Variants in SDC2 observed in about 807,000 individuals in gnomAD.
SDC2 encodes syndecan 2.
SDC2 carries 13 observed loss-of-function variants against 22.2 expected under a neutral mutation model. The observed-to-expected ratio is 0.59, with a 90% CI of 0.38 to 0.93. The LOEUF (loss-of-function observed/expected upper bound fraction) is 0.93, where lower values mean the gene tolerates loss of function less well. Ranked by LOEUF, SDC2 falls within the 40% of genes least tolerant of loss-of-function variation. SDC2 has a pLI of 0.00. For synonymous variants in SDC2, 94 were observed against 92.8 expected, an observed-to-expected ratio of 1.01 and a Z score of -0.07; for missense variants, 235 against 246.8, an observed-to-expected ratio of 0.95 and a Z score of 0.32.
In SDC2 at chr8:96,609,764, G is replaced by A; in HGVS notation, c.*216G>A. 2.7e-6 allele frequency: 1 copy of A among 370,996 alleles called. No individual in the cohort carries two copies. Among genetic ancestry groups the A allele is most frequent in the Non-Finnish European group, 4.8e-6 (1 of 209,682 alleles). 23.0% of individuals were successfully genotyped at this position (370,996 alleles called of 1,614,324 possible). A position where few individuals can be genotyped will look rare whatever the true frequency, so the allele number is the denominator to read the frequency against. ...CTGCAGTGTTCTGTGAATAGCAGTG[G>A]CAAAATATTATGTTATGAAAACCCT... is the stretch of plus-strand genomic sequence containing the variant. On this transcript the variant is annotated 3_prime_UTR_variant, in exon 5 of 5. Transcript: ENST00000302190.
At chr8:96,541,586 G>A (rs1191761987) in intron 1 of SDC2, among the ~76,000 whole-genome samples, 2 of 150,930 alleles carry the variant, frequency 1.3e-5, no homozygotes, top group East Asian at 3.9e-4. Flanking sequence ...AAAGAAGCCA[G>A]CCAGAAACAG....
intron 1 of SDC2, among the ~76,000 whole-genome samples, chr8:96,545,590 C>T (rs10093084): frequency 0.21 from 32,366 of 152,076 alleles, 3,691 homozygotes; most frequent in East Asian, 0.32. Context: ...AGAAGGAGGG[C>T]AAGGAGGATG....
At position 96,578,729 on chromosome 8, in the gene SDC2, C is replaced by T. The variant is rs148433588; in HGVS notation, c.61-14751C>T. 1.4e-4 allele frequency among the ~76,000 whole-genome samples: 22 copies of T among 152,252 alleles called. No individual in the cohort carries two copies. The East Asian group carries it at 4.2e-3, about 29-fold the overall frequency. ...CGGCATGGCTTGACAATGGTTTAGG[C>T]CCTTGATCAGCTAGTGTTAAGGAGT... On this transcript the variant is annotated intron_variant, in intron 1 of 4. Coordinates refer to ENST00000302190, the MANE Select transcript of SDC2 (RefSeq NM_002998.4).
intron 1 of SDC2, among the ~76,000 whole-genome samples, chr8:96,545,713 C>T (rs1452359589): frequency 6.6e-6 from 1 of 152,186 alleles, no homozygotes; most frequent in Non-Finnish European, 1.5e-5. Context: ...CCACCCCGAC[C>T]CTGAAATTGC....
chr8:96,550,481 A>G (rs1333258504), intron 1 of SDC2, among the ~76,000 whole-genome samples: 2 of 152,236 alleles, frequency 1.3e-5, no homozygotes, highest in Admixed American at 6.5e-5. Flanking sequence ...AGTCACTTTC[A>G]GAGGTAGACA....
intron 1 of SDC2, among the ~76,000 whole-genome samples, chr8:96,539,176 G>A (rs1220359651): frequency 6.6e-6 from 1 of 152,298 alleles, no homozygotes; most frequent in East Asian, 1.9e-4. Context: ...AACGAGTACT[G>A]AGCATAGAAT....
intron 1 of SDC2, among the ~76,000 whole-genome samples, chr8:96,498,705 G>A (rs1813113484): frequency 6.6e-6 from 1 of 152,128 alleles, no homozygotes; most frequent in Non-Finnish European, 1.5e-5. Flanking sequence ...TGGCCAGGCT[G>A]GTCTCCAACT....
intron 1 of SDC2, among the ~76,000 whole-genome samples, chr8:96,545,159 C>G (rs1813911655): frequency 6.6e-6 from 1 of 152,196 alleles, no homozygotes. Context: ...ATTTTTAACT[C>G]TTCTCTGCCT....
Position 96,602,543 on chromosome 8 carries a change from C to CCATTG in SDC2, c.306+25_306+29dup. The CCATTG allele has an allele frequency of 1.9e-6, 3 of 1,613,610 alleles. No homozygotes were observed. The highest frequency in any genetic ancestry group is 2.5e-6 in the Non-Finnish European group (3 of 1,179,666). On this transcript the variant is annotated intron_variant, in intron 3 of 4. Transcript: ENST00000302190. ...CTCAGACAAAGGTGCGTTCTATTTTCCATTGCATTGCATTATCAGGTTATT... is the reference window on the plus strand; with the variant it reads ...CTCAGACAAAGGTGCGTTCTATTTTCCATTGCATTGCATTGCATTATCAGGTTATT...
Position 96,611,127 on chromosome 8 carries a change from G to C in SDC2, c.*1579G>C, listed in dbSNP as rs557244005. On this transcript the variant is annotated 3_prime_UTR_variant, in exon 5 of 5. Transcript: ENST00000302190. Reference sequence around the variant, plus strand: ...AGTAGCTCACGTTACAGGGAAGGAGGGTAGGCAGGGAGGCTCTGTGTGTTA... The same window carrying C: ...AGTAGCTCACGTTACAGGGAAGGAGCGTAGGCAGGGAGGCTCTGTGTGTTA... 1 of 152,716 alleles carries C rather than the reference G, an allele frequency of 6.5e-6. No individual in the cohort carries two copies. Among genetic ancestry groups the C allele is most frequent in the South Asian group, 2.1e-4 (1 of 4,830 alleles). The allele number at this position is 152,716 out of a possible 1,614,324, so 9.5% of individuals were successfully genotyped here. A position where few individuals can be genotyped will look rare whatever the true frequency, so the allele number is the denominator to read the frequency against.
intron 1 of SDC2, among the ~76,000 whole-genome samples, chr8:96,542,782 TAG>T (rs1466090628): frequency 6.6e-6 from 1 of 152,228 alleles, no homozygotes; most frequent in Non-Finnish European, 1.5e-5. Context: ...TCTTAGTGAA[TAG>T]AGTTTGCCTT....
intron 1 of SDC2, among the ~76,000 whole-genome samples, chr8:96,545,253 T>C (rs1430081775): frequency 2.0e-5 from 3 of 152,242 alleles, no homozygotes; most frequent in African/African-American, 7.2e-5. Flanking sequence ...TCAGGTTCTC[T>C]TTGTTTTATG....
At chr8:96,519,229 C>T (rs1813456476) in intron 1 of SDC2, among the ~76,000 whole-genome samples, 1 of 152,080 alleles carries the variant, frequency 6.6e-6, no homozygotes, top group Admixed American at 6.5e-5. Context: ...CCTGTAATTC[C>T]CCAGAGAGCA....
chr8:96,509,880 C>A (rs561217465), intron 1 of SDC2, among the ~76,000 whole-genome samples: 3 of 152,328 alleles, frequency 2.0e-5, no homozygotes, highest in South Asian at 2.1e-4. Context: ...TTGCTCCCTT[C>A]CAGCTTTTTC....
chr8:96,601,369 C>T (rs1353333443), intron 2 of SDC2, among the ~76,000 whole-genome samples: 4 of 152,048 alleles, frequency 2.6e-5, no homozygotes, highest in African/African-American at 4.8e-5. Context: ...GGGCCAGGCA[C>T]GGTGGCTCAC....
intron 1 of SDC2, among the ~76,000 whole-genome samples, chr8:96,544,090 C>T (rs1337927980): frequency 6.6e-6 from 1 of 152,158 alleles, no homozygotes; most frequent in East Asian, 1.9e-4. Flanking sequence ...AGATGTCTTG[C>T]CCAGTAAGTA....
intron 1 of SDC2, among the ~76,000 whole-genome samples, chr8:96,556,425 G>A (rs1439823701): frequency 6.6e-6 from 1 of 150,888 alleles, no homozygotes; most frequent in African/African-American, 2.4e-5. Flanking sequence ...CCAAAACAGA[G>A]ATATAGATCA....
chr8:96,495,476 C>T (rs1813058700), intron 1 of SDC2, among the ~76,000 whole-genome samples: 1 of 152,166 alleles, frequency 6.6e-6, no homozygotes, highest in Admixed American at 6.5e-5. Context: ...AGCTTGAGCA[C>T]CCCAGATTTC....
In SDC2 at chr8:96,575,089, C is replaced by T. The variant is rs891776585; in HGVS notation, c.61-18391C>T. ...AATGCTCACTGGCGGCTCACCTCTG[C>T]TGTGCAGCCTGGTTCCTAACAGGCC... On this transcript the variant is annotated intron_variant, in intron 1 of 4. Transcript: ENST00000302190. Among the ~76,000 whole-genome samples, 41 of 152,284 alleles carry T rather than the reference C, an allele frequency of 2.7e-4. 1 individual carries two copies. Among genetic ancestry groups the T allele is most frequent in the Admixed American group, 2.6e-3 (40 of 15,298 alleles).
Sources: allele counts gnomAD v4.1 joint callset (sites outside exome capture counted in the v4.1 genomes callset), GRCh38; gene constraint gnomAD v4.1.1; transcripts MANE v1.5; gene names NCBI Gene and HGNC (gene_info 2026-07-23, HGNC 2026-07-21).